The following ZNF521 variants were observed in gnomAD, a reference collection of about 807,000 sequenced individuals.
ZNF521 encodes LYST-interacting protein 3.
Under a neutral mutation model 105.5 loss-of-function variants are expected in ZNF521, and 14 were observed. The ratio of observed to expected loss-of-function variants is 0.13; its 90% CI spans 0.09 to 0.21. ZNF521 has a LOEUF of 0.21. Among genes scored for constraint, ZNF521 ranks in the 10% least tolerant of loss-of-function variants. The pLI is 1.00. For missense variants in ZNF521, 1,233 were observed against 1,629.7 expected (o/e 0.76, Z 4.19); for synonymous variants, 635 against 606.0 (o/e 1.05, Z -0.70).
intron 4 of ZNF521, among the ~76,000 whole-genome samples, chr18:25,220,395 C>T (rs946966945): frequency 4.7e-4 from 71 of 152,008 alleles, no homozygotes; most frequent in African/African-American, 1.6e-3. Context: ...ACAGGAGTAC[C>T]GAGAGGATGC....
rs915015842 is a variant in ZNF521 at position 25,226,638 on chromosome 18, G to C, written c.1280C>G (p.Thr427Ser). ...SLAVLQIHLKTMHLDKPEQAH... is the reference protein window; with the variant it reads ...SLAVLQIHLKSMHLDKPEQAH... The stretch of plus-strand genomic sequence containing the variant: ...CTGTTCTGGCTTATCTAAGTGCATA[G>C]TTTTCAGGTGAATCTGCAGAACTGC... Residue 427 changes from threonine (T) to serine (S), a missense_variant, in exon 4 of 8, where the codon ACT becomes AGT. Physicochemically the swap from Thr to Ser is moderately conservative, Grantham distance 58. Transcript: ENST00000361524. This position sits in a 1 kb window ranked among gnomAD's most constrained non-coding sequence, Gnocchi z 4.1. 6.2e-7 allele frequency: 1 copy of C among 1,614,074 alleles called. No homozygotes were observed. Among genetic ancestry groups the C allele is most frequent in the African/African-American group, 1.3e-5 (1 of 74,934 alleles).
chr18:25,286,738 G>A (rs1910728071), intron 3 of ZNF521, among the ~76,000 whole-genome samples: 1 of 152,126 alleles, frequency 6.6e-6, no homozygotes, highest in Admixed American at 6.5e-5. Context: ...TTGAAGGTCT[G>A]GAAAGGGGAA....
At chr18:25,110,977 G>T (rs2034177424) in intron 5 of ZNF521, among the ~76,000 whole-genome samples, 1 of 151,918 alleles carries the variant, frequency 6.6e-6, no homozygotes, top group African/African-American at 2.4e-5. Context: ...TGGCCAGGCT[G>T]GTCTCGAACT....
At chr18:25,300,054 C>T (rs1911545441) in intron 3 of ZNF521, among the ~76,000 whole-genome samples, 1 of 152,158 alleles carries the variant, frequency 6.6e-6, no homozygotes, top group Non-Finnish European at 1.5e-5. Flanking sequence ...AAGCTTGGGC[C>T]TCAAGAGACT....
chr18:25,259,822 G>C (rs911961242), intron 3 of ZNF521, among the ~76,000 whole-genome samples: 1 of 152,122 alleles, frequency 6.6e-6, no homozygotes, highest in Non-Finnish European at 1.5e-5. Context: ...CTCAGTGAAG[G>C]CCTCCCAGAG....
At position 25,225,772 on chromosome 18, in the gene ZNF521, T is replaced by C. The variant is rs769290991; in HGVS notation, c.2146A>G (p.Met716Val). 1 of 1,614,256 alleles carries C rather than the reference T, an allele frequency of 6.2e-7. No homozygotes were observed. The highest frequency in any genetic ancestry group is 2.2e-5 in the East Asian group (1 of 44,884). Residue 716 changes from methionine (M) to valine (V), a missense_variant, in exon 4 of 8, where the codon ATG (methionine) becomes GTG (valine). This residue lies in a region of ZNF521 where 614 missense variants were observed against 751.5 expected (regional missense o/e 0.82). Transcript: ENST00000361524. This position sits in a 1 kb window ranked among gnomAD's most constrained non-coding sequence, Gnocchi z 5.6. ...CAGCGAAAGAAGACAAAGGTGTGCA[T>C]GTCCAGCAGGTGTTTCTGAAGGTCA... ...VDDLQKHLLD[M>V]HTFVFFRCTL...
At chr18:25,143,522 A>G (rs553264959) in intron 5 of ZNF521, among the ~76,000 whole-genome samples, 1 of 152,296 alleles carries the variant, frequency 6.6e-6, no homozygotes, top group East Asian at 1.9e-4. Flanking sequence ...ATAAACTGCT[A>G]GCCTTCAGTT....
In ZNF521 at chr18:25,259,712, G is replaced by A. The variant is rs536390764; in HGVS notation, c.221-32015C>T. ...AGGCACTGGGAACACAGCAGTCAAC[G>A]GTATTTCAGACTTTATGGAGCTTAC... On this transcript the variant is annotated intron_variant, in intron 3 of 7. Coordinates refer to ENST00000361524, the MANE Select transcript of ZNF521 (RefSeq NM_015461.3). Among the ~76,000 whole-genome samples, 370 of 152,244 alleles carry A rather than the reference G, an allele frequency of 2.4e-3. 4 individuals carry two copies. Among genetic ancestry groups the A allele is most frequent in the African/African-American group, 7.0e-3 (290 of 41,540 alleles).
At position 25,114,491 on chromosome 18, in the gene ZNF521, G is replaced by A. The variant is rs568278451; in HGVS notation, c.3659-22410C>T. 2.0e-5 allele frequency among the ~76,000 whole-genome samples: 3 copies of A among 152,270 alleles called. No individual in the cohort carries two copies. In the South Asian group the frequency reaches 6.2e-4, roughly 32 times the overall value. On this transcript the variant is annotated intron_variant, in intron 5 of 7. Transcript: ENST00000361524. ...AGATTTCTGGTTTATAATATACAAA[G>A]ACTAACTGATAAGAGATGATGGAGA...
At chr18:25,071,060 A>C (rs927375589) in intron 7 of ZNF521, among the ~76,000 whole-genome samples, 4 of 152,060 alleles carry the variant, frequency 2.6e-5, no homozygotes, top group Non-Finnish European at 5.9e-5. Context: ...AATTGTTTTG[A>C]ATTTACTTTG....
At chr18:25,255,633 C>A (rs1908427879) in intron 3 of ZNF521, among the ~76,000 whole-genome samples, 1 of 152,002 alleles carries the variant, frequency 6.6e-6, no homozygotes, top group Admixed American at 6.6e-5. Context: ...TCAACAAACA[C>A]CTTCTGAGTA....
intron 5 of ZNF521, among the ~76,000 whole-genome samples, chr18:25,180,669 A>G (rs1052411786): frequency 3.3e-5 from 5 of 152,168 alleles, no homozygotes; most frequent in Non-Finnish European, 7.4e-5. Context: ...AAATTCATAA[A>G]GATTATTAAG....
In ZNF521 at chr18:25,225,217, G is replaced by A; in HGVS notation, c.2701C>T (p.Leu901=). 1 of 1,614,134 alleles carries A rather than the reference G, an allele frequency of 6.2e-7. No homozygotes were observed. Among genetic ancestry groups the A allele is most frequent in the African/African-American group, 1.3e-5 (1 of 75,024 alleles). Residue 901 remains leucine (L), a synonymous_variant, in exon 4 of 8, where the codon CTG becomes TTG. Transcript: ENST00000361524. The surrounding 1 kb of genome is among the most constrained non-coding windows in gnomAD (Gnocchi z 5.6). ...CGAAYTMETL[L]QNHQLRDHNI... The stretch of plus-strand genomic sequence containing the variant: ...TGGTCTCGGAGCTGGTGATTCTGCA[G>A]CAAAGTTTCCATAGTGTAGGCTGCC...
intron 3 of ZNF521, among the ~76,000 whole-genome samples, chr18:25,275,466 G>A (rs1318595233): frequency 6.6e-6 from 1 of 152,092 alleles, no homozygotes; most frequent in Non-Finnish European, 1.5e-5. Flanking sequence ...TTGGCCATCC[G>A]GGCACCCACT....
intron 2 of ZNF521, among the ~76,000 whole-genome samples, chr18:25,331,909 A>T (rs35130532): frequency 0.86 from 119,693 of 139,380 alleles, 50,908 homozygotes; most frequent in African/African-American, 0.95. Context: ...TTTTTTTTTT[A>T]AATTTAGGAA....
intron 7 of ZNF521, among the ~76,000 whole-genome samples, chr18:25,070,674 A>T (rs1001511586): frequency 6.6e-6 from 1 of 151,882 alleles, no homozygotes; most frequent in African/African-American, 2.4e-5. Context: ...GTTTAGCAGC[A>T]TCCTCAGCCA....
At chr18:25,174,579 C>T (rs74738130) in intron 5 of ZNF521, among the ~76,000 whole-genome samples, 1,555 of 152,332 alleles carry the variant, frequency 0.01, 20 homozygotes, top group African/African-American at 0.035. Flanking sequence ...AGCTTAGCAG[C>T]TGCACAGGCT....
At chr18:25,163,978 C>A (rs1054188807) in intron 5 of ZNF521, among the ~76,000 whole-genome samples, 3 of 152,086 alleles carry the variant, frequency 2.0e-5, no homozygotes, top group Non-Finnish European at 2.9e-5. Flanking sequence ...GAGGACAGAT[C>A]GAAATGTAAT....
intron 6 of ZNF521, 87 bp from the exon 7 acceptor site, chr18:25,089,667 C>T (rs967512055): frequency 1.2e-5 from 12 of 1,013,870 alleles, no homozygotes; most frequent in East Asian, 2.5e-5. Flanking sequence ...GACAGCAGGC[C>T]GGACAGCACG....
Sources: allele counts gnomAD v4.1 joint callset (sites outside exome capture counted in the v4.1 genomes callset), GRCh38; gene constraint gnomAD v4.1.1; regional missense constraint gnomAD v4.1.1; non-coding constraint Gnocchi (gnomAD v3.1); transcripts MANE v1.5; gene names NCBI Gene and HGNC (gene_info 2026-07-23, HGNC 2026-07-21).